ARB2A: variants seen among roughly 807,000 people sequenced by gnomAD.
The protein encoded by ARB2A is cotranscriptional regulator ARB2A.
At chr5:93,831,071 G>C in the ARB2A span, among the ~76,000 whole-genome samples, 4 of 152,200 alleles carry the variant, frequency 2.6e-5, no homozygotes, top group African/African-American at 9.6e-5. Flanking sequence ...TCTGATAGGA[G>C]GTGGAGCTCA....
the ARB2A span, among the ~76,000 whole-genome samples, chr5:93,659,560 T>C: frequency 6.6e-6 from 1 of 152,116 alleles, no homozygotes; most frequent in African/African-American, 2.4e-5. Context: ...TGAAAAAGAC[T>C]TTCTGGCATT....
chr5:94,081,721 A>G, the ARB2A span, among the ~76,000 whole-genome samples: 6 of 152,266 alleles, frequency 3.9e-5, no homozygotes, highest in Non-Finnish European at 7.4e-5. Context: ...GTGACTGTTA[A>G]TAGGTATGTA....
At chr5:94,066,430 A>G in the ARB2A span, among the ~76,000 whole-genome samples, 1 of 147,786 alleles carries the variant, frequency 6.8e-6, no homozygotes, top group African/African-American at 2.6e-5. Context: ...AAGCACACAC[A>G]CACACACACA....
chr5:94,042,314 C>CTTTTT, the ARB2A span, among the ~76,000 whole-genome samples: 70 of 103,012 alleles, frequency 6.8e-4, no homozygotes, highest in Admixed American at 8.6e-4. Context: ...AAAAGATCAG[C>CTTTTT]TTTTTTTTTT....
At chr5:93,995,680 T>C in the ARB2A span, among the ~76,000 whole-genome samples, 1 of 152,168 alleles carries the variant, frequency 6.6e-6, no homozygotes, top group Non-Finnish European at 1.5e-5. Context: ...TGTTCAAGGG[T>C]CAACTGCAGT....
At chr5:94,012,174 G>A in the ARB2A span, among the ~76,000 whole-genome samples, 430 of 152,132 alleles carry the variant, frequency 2.8e-3, 1 homozygote, top group Non-Finnish European at 5.0e-3. Flanking sequence ...AGGCCAAGGC[G>A]GGCAGATCAC....
chr5:93,812,984 TTC>T, the ARB2A span, among the ~76,000 whole-genome samples: 1 of 152,136 alleles, frequency 6.6e-6, no homozygotes, highest in African/African-American at 2.4e-5. Context: ...GACTAGAGCT[TTC>T]TCTCACTCTT....
the ARB2A span, among the ~76,000 whole-genome samples, chr5:93,955,171 G>A: frequency 6.6e-6 from 1 of 152,128 alleles, no homozygotes; most frequent in Non-Finnish European, 1.5e-5. Context: ...TTTGTATGTG[G>A]ATGTTGTTTA....
At chr5:93,642,341 G>A in the ARB2A span, among the ~76,000 whole-genome samples, 1 of 151,686 alleles carries the variant, frequency 6.6e-6, no homozygotes, top group Admixed American at 6.6e-5. Context: ...CCAAGTAGCT[G>A]GGACTACAGG....
At chr5:93,930,649 G>A in the ARB2A span, among the ~76,000 whole-genome samples, 3 of 152,260 alleles carry the variant, frequency 2.0e-5, no homozygotes, top group Admixed American at 2.0e-4. Flanking sequence ...TTCAAGGAAT[G>A]CAAGCCTTTC....
chr5:93,982,609 C>T, the ARB2A span, among the ~76,000 whole-genome samples: 2 of 152,158 alleles, frequency 1.3e-5, no homozygotes, highest in Non-Finnish European at 1.5e-5. Context: ...ACATCATAGA[C>T]TGCACTTTCA....
chr5:93,929,848 G>A, the ARB2A span, among the ~76,000 whole-genome samples: 1 of 152,174 alleles, frequency 6.6e-6, no homozygotes, highest in Non-Finnish European at 1.5e-5. Context: ...ACCTAGGCAT[G>A]AGTATATCAG....
the ARB2A span, among the ~76,000 whole-genome samples, chr5:93,969,271 T>G: frequency 1.4e-4 from 21 of 152,136 alleles, no homozygotes; most frequent in Non-Finnish European, 2.7e-4. Context: ...GTCAGCAATG[T>G]TATAAGCGAC....
At chr5:94,092,358 T>A in the ARB2A span, among the ~76,000 whole-genome samples, 8 of 152,046 alleles carry the variant, frequency 5.3e-5, no homozygotes, top group Non-Finnish European at 1.0e-4. Flanking sequence ...TATGTACATA[T>A]CCTTGTGCTT....
the ARB2A span, chr5:93,683,509 A>C: frequency 6.4e-7 from 1 of 1,567,760 alleles, no homozygotes; most frequent in South Asian, 1.1e-5. Context: ...CTTTAATTGG[A>C]CTGCCTTCGT....
chr5:93,674,915 TATAAC>T, the ARB2A span, among the ~76,000 whole-genome samples: 1 of 152,220 alleles, frequency 6.6e-6, no homozygotes, highest in African/African-American at 2.4e-5. Flanking sequence ...GAGACACAGT[TATAAC>T]ATATCCCCTA....
At chr5:94,008,484 T>C in the ARB2A span, among the ~76,000 whole-genome samples, 3 of 152,186 alleles carry the variant, frequency 2.0e-5, no homozygotes, top group African/African-American at 7.2e-5. Context: ...GCTTTGAGTA[T>C]ATACACTTTG....
At chr5:93,968,311 T>C in the ARB2A span, among the ~76,000 whole-genome samples, 1 of 152,112 alleles carries the variant, frequency 6.6e-6, no homozygotes, top group Non-Finnish European at 1.5e-5. Flanking sequence ...GTTAAGGCTT[T>C]ATTGGAAAAA....
chr5:93,874,417 C>T, the ARB2A span, among the ~76,000 whole-genome samples: 1 of 152,088 alleles, frequency 6.6e-6, no homozygotes, highest in Non-Finnish European at 1.5e-5. Context: ...CCACTGGTGT[C>T]CAGGAAGGGG....
Sources: allele counts gnomAD v4.1 joint callset (sites outside exome capture counted in the v4.1 genomes callset), GRCh38; gene constraint gnomAD v4.1.1; transcripts MANE v1.5; gene names NCBI Gene and HGNC (gene_info 2026-07-23, HGNC 2026-07-21).